The following TMC5 variants were observed in gnomAD, a reference collection of about 807,000 sequenced individuals.
TMC5 encodes the protein transmembrane channel-like protein 5.
In TMC5, 86 loss-of-function variants were observed where a neutral mutation model predicts 110.5. The ratio of observed to expected loss-of-function variants is 0.78; its 90% confidence interval spans 0.65 to 0.93. The LOEUF (loss-of-function observed/expected upper bound fraction) is 0.93, where lower values mean the gene tolerates loss of function less well. Among genes scored for constraint, TMC5 ranks in the 40% least tolerant of loss-of-function variants. The pLI, the probability that TMC5 is intolerant of heterozygous loss-of-function variation, is 0.00. For synonymous variants in TMC5, 455 were observed against 439.5 expected (o/e 1.04, Z -0.44); for missense variants, 1,144 against 1,222.8 (o/e 0.94, Z 0.96).
chr16:19,442,110 A>G (rs1393510500), intron 3 of TMC5, among the ~76,000 whole-genome samples: 2 of 151,920 alleles, frequency 1.3e-5, no homozygotes, highest in Admixed American at 1.3e-4. Flanking sequence ...GCCTAAGGCC[A>G]TTTTTAAGTA....
At chr16:19,436,599 T>A (rs1967356067) in intron 2 of TMC5, among the ~76,000 whole-genome samples, 1 of 152,268 alleles carries the variant, frequency 6.6e-6, no homozygotes, top group South Asian at 2.1e-4. Context: ...ATAGGTGTTC[T>A]TATTTGCAAA....
chr16:19,413,236 AG>A (rs1252016544), upstream of TMC5, among the ~76,000 whole-genome samples: 1 of 152,112 alleles, frequency 6.6e-6, no homozygotes, highest in Non-Finnish European at 1.5e-5. Context: ...TAAGTGTGCC[AG>A]GGCAGGCTGG....
At chr16:19,434,120 T>C (rs141114087) in intron 2 of TMC5, among the ~76,000 whole-genome samples, 4,899 of 117,778 alleles carry the variant, frequency 0.042, 181 homozygotes, top group African/African-American at 0.077. Flanking sequence ...TATATATATC[T>C]ATATATCTAA....
In TMC5 at chr16:19,445,956, C is replaced by T. The variant is rs112196228; in HGVS notation, c.958+1706C>T. On this transcript the variant is annotated intron_variant, in intron 4 of 21. Coordinates refer to ENST00000542583, the MANE Select transcript of TMC5 (RefSeq NM_001261841.2). ...CTTGAGCCTGGGAGGTTGAGGCTGC[C>T]GTGAGCCATGACTGTACCACTGCAC... Among the ~76,000 whole-genome samples the T allele has an allele frequency of 3.4e-3, 508 of 151,462 alleles. 3 individuals are homozygous for T. Among genetic ancestry groups the T allele is most frequent in the Non-Finnish European group, 5.5e-3 (372 of 67,886 alleles).
At chr16:19,470,073 T>A (rs1968296055) in intron 10 of TMC5, among the ~76,000 whole-genome samples, 1 of 151,840 alleles carries the variant, frequency 6.6e-6, no homozygotes, top group African/African-American at 2.4e-5. Flanking sequence ...TTTTTGTATT[T>A]TTAGTAGAGA....
intron 5 of TMC5, chr16:19,456,342 C>A (rs1043261524): frequency 1.8e-5 from 7 of 389,906 alleles, no homozygotes; most frequent in South Asian, 9.2e-5. Flanking sequence ...AAAAAAAAAT[C>A]TTGCCCTTTG....
intron 2 of TMC5, among the ~76,000 whole-genome samples, chr16:19,434,997 G>A (rs1967308798): frequency 6.6e-6 from 1 of 152,056 alleles, no homozygotes; most frequent in Non-Finnish European, 1.5e-5. Context: ...ATTCCATTCA[G>A]GTAACGTATA....
chr16:19,482,671 G>T (rs1968646210), intron 15 of TMC5, among the ~76,000 whole-genome samples: 1 of 152,132 alleles, frequency 6.6e-6, no homozygotes, highest in African/African-American at 2.4e-5. Context: ...GAAACACACA[G>T]AGAGGGCTGT....
intron 5 of TMC5, among the ~76,000 whole-genome samples, chr16:19,458,570 C>T (rs1967943866): frequency 6.6e-6 from 1 of 152,152 alleles, no homozygotes; most frequent in African/African-American, 2.4e-5. Context: ...TCAAGCAGCT[C>T]TCAATGATTT....
chr16:19,444,302 G>GATTTTA, intron 4 of TMC5, 52 bp downstream of exon 4: 1 of 1,540,818 alleles, frequency 6.5e-7, no homozygotes, highest in Non-Finnish European at 8.9e-7. Flanking sequence ...TGAAATCACT[G>GATTTTA]GATTTAGGGG....
At chr16:19,494,510 T>C (rs1292456767) in intron 20 of TMC5, 144 bp downstream of exon 20, 2 of 592,840 alleles carry the variant, frequency 3.4e-6, no homozygotes, top group African/African-American at 1.9e-5. Flanking sequence ...GGTTTTTACT[T>C]AAAAAGTAAT....
At position 19,444,104 on chromosome 16, in the gene TMC5, TC is replaced by T. The variant is rs748585445; in HGVS notation, c.814del (p.Gln272SerfsTer49). 2 of 1,614,026 alleles carry T rather than the reference TC, an allele frequency of 1.2e-6. No individual in the cohort carries two copies. Among genetic ancestry groups the T allele is most frequent in the African/African-American group, 1.3e-5 (1 of 74,918 alleles). On this transcript the variant is annotated frameshift_variant, in exon 4 of 22. Coordinates refer to ENST00000542583, the MANE Select transcript of TMC5 (RefSeq NM_001261841.2). LOFTEE classifies it high-confidence loss of function. Reference protein sequence around the residue: ...TRGVLSRTSSIQPSFRHRSDD... With the variant: ...TRGVLSRTSSXQPSFRHRSDD... Reference sequence around the variant, plus strand: ...AGGGTGCTCAGCAGAACATCTTCAATCCAGCCCTCATTTCGTCACAGGAGTG... The same window carrying T: ...AGGGTGCTCAGCAGAACATCTTCAATCAGCCCTCATTTCGTCACAGGAGTG...
In TMC5 at chr16:19,496,887, C is replaced by CAAAAAAA. The variant is rs67040638; in HGVS notation, c.2932-214_2932-208dup. 2.9e-4 allele frequency among the ~76,000 whole-genome samples: 23 copies of CAAAAAAA among 80,222 alleles called. 1 individual carries two copies. The highest frequency in any genetic ancestry group is 1.1e-3 in the African/African-American group (21 of 19,396). 52.6% of individuals were successfully genotyped at this position (80,222 alleles called of 152,430 possible). A position where few individuals can be genotyped will look rare whatever the true frequency, so the allele number is the denominator to read the frequency against. ...TCTAGGAGATAAAGCAAGACTCTGT[C>CAAAAAAA]AAAAAAAAAAAAAAAAAAAAAAAAA... On this transcript the variant is annotated intron_variant, in intron 20 of 21. Transcript: ENST00000542583.
chr16:19,464,401 G>A (rs1272051798), intron 8 of TMC5, among the ~76,000 whole-genome samples: 2 of 152,194 alleles, frequency 1.3e-5, no homozygotes, highest in Admixed American at 1.3e-4. Flanking sequence ...TCCAGCCTGG[G>A]CAACAGAGCG....
chr16:19,488,103 G>A (rs571199788), intron 17 of TMC5, among the ~76,000 whole-genome samples: 9 of 152,194 alleles, frequency 5.9e-5, no homozygotes, highest in South Asian at 4.1e-4. Flanking sequence ...TAAAGGGGGC[G>A]GTTGCGGGTG....
At chr16:19,422,618 G>A (rs2143362721) in intron 1 of TMC5, among the ~76,000 whole-genome samples, 1 of 152,222 alleles carries the variant, frequency 6.6e-6, no homozygotes, top group Admixed American at 6.5e-5. Context: ...GATCTCTTGA[G>A]CCCAGGCATT....
intron 12 of TMC5, among the ~76,000 whole-genome samples, chr16:19,475,423 G>GAAA (rs747294841): frequency 7.2e-6 from 1 of 139,054 alleles, no homozygotes; most frequent in African/African-American, 2.6e-5. Context: ...CTCCATCTCA[G>GAAA]AAAAAAAAAA....
At chr16:19,453,063 CAG>C (rs1334862936) in intron 5 of TMC5, among the ~76,000 whole-genome samples, 5 of 150,196 alleles carry the variant, frequency 3.3e-5, no homozygotes, top group South Asian at 2.1e-4. Context: ...CCCCAAAAGG[CAG>C]AGAGTAGTAA....
At chr16:19,469,639 G>T in intron 9 of TMC5, 42 bp from the exon 10 acceptor site, 1 of 1,610,868 alleles carries the variant, frequency 6.2e-7, no homozygotes, top group African/African-American at 1.3e-5. Flanking sequence ...CCCAGTGACG[G>T]CCATAATAAC....
Sources: allele counts gnomAD v4.1 joint callset (sites outside exome capture counted in the v4.1 genomes callset), GRCh38; gene constraint gnomAD v4.1.1; transcripts MANE v1.5; gene names NCBI Gene and HGNC (gene_info 2026-07-23, HGNC 2026-07-21).